Variants in LGSN observed in about 807,000 individuals in gnomAD.
LGSN encodes the protein lengsin, lens protein with glutamine synthetase domain.
In LGSN, 21 loss-of-function variants were observed where a neutral mutation model predicts 19.5. That is an observed-to-expected ratio of 1.07 (90% CI 0.76 to 1.55). LGSN has a LOEUF of 1.55. Ranked by LOEUF, LGSN falls within the 40% of genes most tolerant of loss-of-function variation. The probability of loss-of-function intolerance (pLI) is 0.00; values close to 1 mark genes in which losing one functional copy is unlikely to be tolerated. For synonymous variants in LGSN, 257 were observed against 215.6 expected (o/e 1.19, Z -1.68); for missense variants, 673 against 608.5 (o/e 1.11, Z -1.12).
At chr6:63,475,244 C>T in the LGSN span, among the ~76,000 whole-genome samples, 1 of 151,046 alleles carries the variant, frequency 6.6e-6, no homozygotes. Flanking sequence ...ACACCCCATG[C>T]CAACCCCATT....
At chr6:63,407,393 A>G in the LGSN span, among the ~76,000 whole-genome samples, 17 of 152,306 alleles carry the variant, frequency 1.1e-4, no homozygotes, top group African/African-American at 3.6e-4. Context: ...ATCAATAAAT[A>G]TAATCCAGCA....
chr6:63,332,109 A>G, the LGSN span, among the ~76,000 whole-genome samples: 449 of 152,248 alleles, frequency 2.9e-3, 3 homozygotes, highest in African/African-American at 0.01. Flanking sequence ...TGTTAGGCCT[A>G]TTAGTCTGAG....
the LGSN span, among the ~76,000 whole-genome samples, chr6:63,500,290 T>C: frequency 3.0e-4 from 46 of 152,220 alleles, no homozygotes; most frequent in African/African-American, 1.1e-3. Context: ...TATAATCTCA[T>C]AGAGTAGCCA....
the LGSN span, among the ~76,000 whole-genome samples, chr6:63,499,860 T>C: frequency 6.6e-6 from 1 of 151,520 alleles, no homozygotes; most frequent in Admixed American, 6.6e-5. Flanking sequence ...ATGTCCAATT[T>C]ACATTAAGTC....
In LGSN at chr6:63,279,715, ATT is replaced by A. The variant is rs2127379699; in HGVS notation, c.*304_*305del. 1 of 183,994 alleles carries A rather than the reference ATT, an allele frequency of 5.4e-6. No individual in the cohort carries two copies. Among genetic ancestry groups the A allele is most frequent in the East Asian group, 1.4e-4 (1 of 7,096 alleles). The allele number at this position is 183,994 out of a possible 1,614,324, so 11.4% of individuals were successfully genotyped here. A position where few individuals can be genotyped will look rare whatever the true frequency, so the allele number is the denominator to read the frequency against. On this transcript the variant is annotated 3_prime_UTR_variant, in exon 4 of 4. Transcript: ENST00000370657. ...CTTTTTTTTCTTAATGTGCGAATAT[ATT>A]TATTGCCACCCAAAATTGGATATTC...
At chr6:63,415,140 AGAAACCCT>A in the LGSN span, among the ~76,000 whole-genome samples, 1 of 151,740 alleles carries the variant, frequency 6.6e-6, no homozygotes, top group Non-Finnish European at 1.5e-5. Flanking sequence ...AGCAACATGG[AGAAACCCT>A]GAAACCCTGT....
At chr6:63,556,143 G>A in the LGSN span, among the ~76,000 whole-genome samples, 37 of 152,198 alleles carry the variant, frequency 2.4e-4, no homozygotes, top group Non-Finnish European at 4.3e-4. Flanking sequence ...CAAGAAAACA[G>A]TTTATTTTCT....
At chr6:63,409,757 C>T in the LGSN span, among the ~76,000 whole-genome samples, 1 of 152,088 alleles carries the variant, frequency 6.6e-6, no homozygotes, top group Admixed American at 6.6e-5. Context: ...TTACCTCAGC[C>T]GGGTGTGGCA....
intron 1 of LGSN, among the ~76,000 whole-genome samples, chr6:63,315,095 A>T (rs541975891): frequency 6.8e-4 from 104 of 152,338 alleles, no homozygotes; most frequent in African/African-American, 2.3e-3. Context: ...AAGACTGAAG[A>T]TTCTTAGAAG....
the LGSN span, chr6:63,549,231 G>T: frequency 1.4e-6 from 1 of 731,848 alleles, no homozygotes; most frequent in South Asian, 1.4e-5. Flanking sequence ...AAGTAGCAGA[G>T]CAGCTGTTTG....
At chr6:63,505,913 T>C in the LGSN span, among the ~76,000 whole-genome samples, 2 of 152,286 alleles carry the variant, frequency 1.3e-5, no homozygotes, top group South Asian at 4.1e-4. Context: ...CCTCCCAAAG[T>C]GCTGGGATTA....
chr6:63,487,987 T>A, the LGSN span, among the ~76,000 whole-genome samples: 80,332 of 150,748 alleles, frequency 0.53, 23,092 homozygotes, highest in African/African-American at 0.77. Flanking sequence ...CTCAAAAAAA[T>A]AAAAAATCTA....
chr6:63,518,380 G>T, the LGSN span, among the ~76,000 whole-genome samples: 1 of 152,064 alleles, frequency 6.6e-6, no homozygotes, highest in African/African-American at 2.4e-5. Context: ...GGCAGAAAAG[G>T]CAAGAATAAA....
the LGSN span, among the ~76,000 whole-genome samples, chr6:63,334,478 G>T: frequency 6.6e-6 from 1 of 152,048 alleles, no homozygotes; most frequent in African/African-American, 2.4e-5. Flanking sequence ...CAAATAGAAA[G>T]ACTAATTCCA....
At chr6:63,405,993 T>C in the LGSN span, among the ~76,000 whole-genome samples, 61 of 152,276 alleles carry the variant, frequency 4.0e-4, no homozygotes, top group African/African-American at 1.4e-3. Context: ...TAAATATATA[T>C]GCAGCCAACA....
At chr6:63,384,489 T>TTGTGTGTGTGTGTG in the LGSN span, among the ~76,000 whole-genome samples, 12 of 131,504 alleles carry the variant, frequency 9.1e-5, no homozygotes, top group East Asian at 7.0e-4. Context: ...AAATAACACC[T>TTGTGTGTGTGTGTG]TGTGTGTGTG....
the LGSN span, among the ~76,000 whole-genome samples, chr6:63,507,643 T>C: frequency 6.6e-6 from 1 of 152,168 alleles, no homozygotes; most frequent in Non-Finnish European, 1.5e-5. Context: ...ACCTCATAAG[T>C]TGTATTGGCT....
chr6:63,393,630 A>G, the LGSN span, among the ~76,000 whole-genome samples: 1 of 152,176 alleles, frequency 6.6e-6, no homozygotes, highest in Non-Finnish European at 1.5e-5. Flanking sequence ...TGTGAGCCCT[A>G]TGTAAATCAA....
the LGSN span, among the ~76,000 whole-genome samples, chr6:63,361,474 C>G: frequency 1.3e-5 from 2 of 152,168 alleles, no homozygotes; most frequent in African/African-American, 4.8e-5. Flanking sequence ...GATATAATCT[C>G]CTGGTGTGCC....
Sources: gnomAD v4.1 joint callset for allele counts (sites outside exome capture counted in the v4.1 genomes callset) on GRCh38, gnomAD v4.1.1 for gene constraint, MANE v1.5 for transcripts, NCBI Gene and HGNC (gene_info 2026-07-23, HGNC 2026-07-21) for gene names.